The following TBX22 variants were observed in gnomAD, a reference collection of about 807,000 sequenced individuals.
TBX22 encodes the protein T-box transcription factor TBX22.
In TBX22, 8 loss-of-function variants were observed where a neutral mutation model predicts 30.1. The ratio of observed to expected loss-of-function variants is 0.27; its 90% CI spans 0.16 to 0.48. TBX22 has a LOEUF of 0.48. Ranked by LOEUF, TBX22 falls within the 20% of genes least tolerant of loss-of-function variation. The pLI, the probability that TBX22 is intolerant of heterozygous loss-of-function variation, is 0.99. For missense variants in TBX22, 463 were observed against 400.5 expected, an observed-to-expected ratio of 1.16 and a Z score of -1.33; for synonymous variants, 173 against 149.1, an observed-to-expected ratio of 1.16 and a Z score of -1.17.
In TBX22 at chrX:80,027,305, A is replaced by G. The variant is rs1924022658; in HGVS notation, c.848A>G (p.Asp283Gly). 4.6e-6 allele frequency: 5 copies of G among 1,092,976 alleles called. No homozygotes were observed. The Admixed American group carries it at 8.8e-5, about 19-fold the overall frequency. The allele number at this position is 1,092,976 out of a possible 1,213,427, so 90.1% of individuals were successfully genotyped here. Residue 283 changes from aspartate (D) to glycine (G), a missense_variant, in exon 7 of 9, where the codon GAT (aspartate) becomes GGT (glycine). Coordinates refer to ENST00000373296, the MANE Select transcript of TBX22 (RefSeq NM_001109878.2). ...AATCCTTTTGCTAAAGGATTTAGAG[A>G]TACTGGAAGAAACAGGTAAGCAGCA... is the stretch of plus-strand genomic sequence containing the variant. ...ERNPFAKGFR[D>G]TGRNRGVLDG... is the part of the protein sequence containing the mutation.
chrX:80,022,398 AGAG>A lies in TBX22; in HGVS notation c.136_138del (p.Glu46del), dbSNP rs1923752847. The A allele has an allele frequency of 1.7e-6, 2 of 1,204,874 alleles. No homozygotes were observed. The highest frequency in any genetic ancestry group is 1.1e-6 in the Non-Finnish European group (1 of 891,946). ...TGCGGGAGAAAAAGGGCGGAGAGGA[AGAG>A]GAGGAGAGAAGGAGCAGCGCTGCAG... On this transcript the variant is annotated inframe_deletion, in exon 2 of 9. Transcript: ENST00000373296.
At chrX:80,015,472 T>C (rs1359878419) in intron 1 of TBX22, among the ~76,000 whole-genome samples, 1 of 112,687 alleles carries the variant, frequency 8.9e-6, no homozygotes, top group Non-Finnish European at 1.9e-5. Flanking sequence ...TTGATCTTCT[T>C]TGCACTCATT....
rs756442819 is a variant in TBX22 at position 80,023,067 on chromosome X, A to G, written c.183A>G (p.Gln61=). The change falls in exon 3 of 9, where the codon CAA becomes CAG. Residue 61 remains glutamine, a synonymous_variant. Transcript: ENST00000373296. ...CCTTTCTGTGTCCAGCAGAAAAACA[A>G]CCTAAGACAGAGCCCTCAACATCTG... The part of the protein sequence containing the change: ...AAGKSEPLEK[Q]PKTEPSTSAS... The G allele has an allele frequency of 4.1e-6, 5 of 1,209,356 alleles. No homozygotes were observed. The East Asian group carries it at 1.2e-4, about 29-fold the overall frequency.
intron 1 of TBX22, among the ~76,000 whole-genome samples, chrX:80,021,772 TCA>T (rs1196612918): frequency 3.6e-5 from 4 of 111,741 alleles, no homozygotes; most frequent in Non-Finnish European, 7.5e-5. Context: ...GGCTGGGTAT[TCA>T]CTGGATGCAA....
Position 80,023,136 on chromosome X carries a change from T to C in TBX22, c.252T>C (p.Ser84=). The change falls in exon 3 of 9, where the codon TCT becomes TCC. Residue 84 remains serine (S), a synonymous_variant. Transcript: ENST00000373296. ...CGSDSGYGNS[S]ESLEEKDIQM... is the part of the protein sequence containing the mutation. ...GCGACAGCGGCTACGGCAACAGCTC[T>C]GAAAGTCTGGAAGAGAAAGATATTC... 1 of 1,211,612 alleles carries C rather than the reference T, an allele frequency of 8.3e-7. No homozygotes were observed. Among genetic ancestry groups the C allele is most frequent in the Non-Finnish European group, 1.1e-6 (1 of 895,291 alleles).
At chrX:80,024,307 A>T (rs1602409926) in intron 4 of TBX22, 143 bp downstream of exon 4, 1 of 533,578 alleles carries the variant, frequency 1.9e-6, no homozygotes, top group East Asian at 3.6e-5. Flanking sequence ...GGGCTTTAGG[A>T]GTTGAATTTT....
intron 8 of TBX22, among the ~76,000 whole-genome samples, chrX:80,029,969 C>A (rs1232463491): frequency 9.0e-6 from 1 of 111,583 alleles, no homozygotes; most frequent in Non-Finnish European, 1.9e-5. Context: ...CAGTGGTCCC[C>A]AACCTTTTTG....
intron 8 of TBX22, among the ~76,000 whole-genome samples, chrX:80,028,447 T>A (rs911742460): frequency 4.4e-5 from 5 of 112,456 alleles, no homozygotes; most frequent in African/African-American, 1.6e-4. Context: ...ATGAATAGTT[T>A]ATCTTTTATG....
Position 80,014,893 on chromosome X carries a change from T to A in TBX22, c.-3+6T>A, listed in dbSNP as rs950555976. ...CACTGCTTCTTGCCTTCCAGGTAAA[T>A]ACCTCTGCCTTACTGACCATGTTAT... On this transcript the variant is annotated splice_donor_region_variant and intron_variant, in intron 1 of 8. Coordinates refer to ENST00000373296, the MANE Select transcript of TBX22 (RefSeq NM_001109878.2). 3 of 112,152 alleles carry A rather than the reference T, an allele frequency of 2.7e-5. No homozygotes were observed. The highest frequency in any genetic ancestry group is 3.8e-5 in the Non-Finnish European group (2 of 53,293). 9.2% of individuals were successfully genotyped at this position (112,152 alleles called of 1,213,427 possible). A position where few individuals can be genotyped will look rare whatever the true frequency, so the allele number is the denominator to read the frequency against.
chrX:80,017,191 T>C (rs183819253), intron 1 of TBX22, among the ~76,000 whole-genome samples: 2 of 109,989 alleles, frequency 1.8e-5, no homozygotes, highest in African/African-American at 6.6e-5. Context: ...GATTGAGCCT[T>C]CAGTTAATAT....
chrX:80,015,646 T>C (rs987225593), intron 1 of TBX22, among the ~76,000 whole-genome samples: 1 of 111,459 alleles, frequency 9.0e-6, no homozygotes, highest in Non-Finnish European at 1.9e-5. Flanking sequence ...CAAGCACACA[T>C]ACCACACACA....
chrX:80,015,185 T>A (rs1923370773), intron 1 of TBX22, among the ~76,000 whole-genome samples: 1 of 112,101 alleles, frequency 8.9e-6, no homozygotes, highest in Non-Finnish European at 1.9e-5. Context: ...AAGCCAGCAA[T>A]AGTCCCTCTC....
At chrX:80,016,015 T>C (rs1478535726) in intron 1 of TBX22, among the ~76,000 whole-genome samples, 1 of 111,559 alleles carries the variant, frequency 9.0e-6, no homozygotes, top group East Asian at 2.8e-4. Context: ...ACAGGCAGTA[T>C]AGGTGTTTGC....
At position 80,031,248 on chromosome X, in the gene TBX22, TAAAGTGCCTTATC is replaced by T. The variant is rs1374283295; in HGVS notation, c.*141_*153del. 1.8e-6 allele frequency: 1 copy of T among 568,092 alleles called. No homozygotes were observed. Among genetic ancestry groups the T allele is most frequent in the African/African-American group, 2.3e-5 (1 of 43,202 alleles). The allele number at this position is 568,092 out of a possible 1,213,427, so 46.8% of individuals were successfully genotyped here. ...TTTCTTTGTTATACATTTAAAGATT[TAAAGTGCCTTATC>T]AAATAATATTCATGAAGAGTTGTTT... On this transcript the variant is annotated 3_prime_UTR_variant, in exon 9 of 9. Transcript: ENST00000373296.
At chrX:80,017,276 GTT>G (rs71951943) in intron 1 of TBX22, among the ~76,000 whole-genome samples, 26 of 74,425 alleles carry the variant, frequency 3.5e-4, no homozygotes, top group South Asian at 1.8e-3. Flanking sequence ...GTTTGGTGTT[GTT>G]TTTGTGTGTG....
chrX:80,024,290 C>G (rs1420558584), intron 4 of TBX22, 126 bp downstream of exon 4: 1 of 588,687 alleles, frequency 1.7e-6, no homozygotes, highest in Non-Finnish European at 2.9e-6. Flanking sequence ...GGGGATTGCT[C>G]TCCTGTGGGC....
At chrX:80,023,361 C>A in intron 3 of TBX22, 121 bp downstream of exon 3, 1 of 713,038 alleles carries the variant, frequency 1.4e-6, no homozygotes, top group Non-Finnish European at 2.2e-6. Flanking sequence ...TTTTCCCCAA[C>A]TCCCTGACAT....
chrX:80,022,522 G>T (rs1033203876), intron 2 of TBX22, 78 bp downstream of exon 2: 223 of 1,034,331 alleles, frequency 2.2e-4, no homozygotes, highest in Middle Eastern at 3.5e-4. Flanking sequence ...GCGTCCCGAC[G>T]CAGCCAGACA....
rs765680258 is a variant in TBX22 at position 80,025,632 on chromosome X, T to C, written c.488T>C (p.Val163Ala). ...RYVYHSSQWM[V>A]AGNTDHLCII... ...GTCTATCACAGCTCACAGTGGATGGTAGCTGGGAATACAGACCATTTGTGC... is the reference window on the plus strand; with the variant it reads ...GTCTATCACAGCTCACAGTGGATGGCAGCTGGGAATACAGACCATTTGTGC... Residue 163 changes from valine (V) to alanine (A), a missense_variant, in exon 5 of 9, where the codon GTA (valine) becomes GCA (alanine). Val to Ala is a moderately conservative substitution (Grantham distance 64, BLOSUM62 0). Transcript: ENST00000373296. The C allele has an allele frequency of 3.3e-6, 4 of 1,206,957 alleles. No homozygotes were observed. Among genetic ancestry groups the C allele is most frequent in the Non-Finnish European group, 1.1e-6 (1 of 892,754 alleles).
Sources: allele counts gnomAD v4.1 joint callset (sites outside exome capture counted in the v4.1 genomes callset), GRCh38; gene constraint gnomAD v4.1.1; transcripts MANE v1.5; gene names NCBI Gene and HGNC (gene_info 2026-07-23, HGNC 2026-07-21).